The following USH2A variants were observed in gnomAD, a reference collection of about 807,000 sequenced individuals.
The protein encoded by USH2A is usherin.
In USH2A, 443 loss-of-function variants were observed where a neutral mutation model predicts 538.9. The ratio of observed to expected loss-of-function variants is 0.82; its 90% CI spans 0.76 to 0.89. The LOEUF is 0.89. Ranked by LOEUF, USH2A falls within the 40% of genes least tolerant of loss-of-function variation. The pLI is 0.00. For synonymous variants in USH2A, 2,413 were observed against 2,273.5 expected, an observed-to-expected ratio of 1.06 and a Z score of -1.75; for missense variants, 6,633 against 6,324.8, an observed-to-expected ratio of 1.05 and a Z score of -1.65.
intron 21 of USH2A, among the ~76,000 whole-genome samples, chr1:216,108,978 G>A (rs1258356667): frequency 6.6e-6 from 1 of 151,962 alleles, no homozygotes; most frequent in Non-Finnish European, 1.5e-5. Flanking sequence ...AACTGAAGTT[G>A]GGCTTTAATT....
intron 32 of USH2A, among the ~76,000 whole-genome samples, chr1:216,004,680 A>G (rs1413073952): frequency 6.6e-6 from 1 of 152,236 alleles, no homozygotes; most frequent in Non-Finnish European, 1.5e-5. Context: ...AGTAGAATCA[A>G]GAGAAGATTT....
At chr1:215,755,780 CT>C (rs2102738506) in intron 58 of USH2A, among the ~76,000 whole-genome samples, 1 of 152,156 alleles carries the variant, frequency 6.6e-6, no homozygotes, top group Admixed American at 6.5e-5. Context: ...TATACAAAGC[CT>C]GAGGTATGTG....
At chr1:216,348,710 TGA>T (rs2038223630) in intron 4 of USH2A, among the ~76,000 whole-genome samples, 1 of 152,170 alleles carries the variant, frequency 6.6e-6, no homozygotes, top group Admixed American at 6.6e-5. Flanking sequence ...TTAGTAAAAA[TGA>T]GAGACTGAAA....
At chr1:216,319,142 A>AT (rs1357569890) in intron 9 of USH2A, among the ~76,000 whole-genome samples, 11 of 152,116 alleles carry the variant, frequency 7.2e-5, no homozygotes, top group Non-Finnish European at 1.2e-4. Flanking sequence ...ATCCCAAAGC[A>AT]TTTTTTAATT....
intron 32 of USH2A, among the ~76,000 whole-genome samples, chr1:216,033,927 A>T (rs1669184943): frequency 6.6e-6 from 1 of 152,204 alleles, no homozygotes; most frequent in Non-Finnish European, 1.5e-5. Flanking sequence ...GGGAAAAAGA[A>T]TGAATAGTGT....
At chr1:216,064,455 G>A (rs948835739) in intron 30 of USH2A, among the ~76,000 whole-genome samples, 1 of 151,726 alleles carries the variant, frequency 6.6e-6, no homozygotes, top group Non-Finnish European at 1.5e-5. Context: ...AAAACATGGG[G>A]AAAATGTGAA....
At chr1:215,746,978 A>G (rs1275579592) in intron 58 of USH2A, among the ~76,000 whole-genome samples, 1 of 152,188 alleles carries the variant, frequency 6.6e-6, no homozygotes, top group African/African-American at 2.4e-5. Context: ...TAAAAGTTCA[A>G]GATTAGAGAA....
chr1:216,213,326 C>T (rs1390167408), intron 15 of USH2A, among the ~76,000 whole-genome samples: 6 of 152,006 alleles, frequency 3.9e-5, no homozygotes, highest in Non-Finnish European at 7.4e-5. Flanking sequence ...GAGACTTTTA[C>T]TTACTTTTTC....
chr1:216,139,415 GAAAAAAAAAGAAA>G (rs1477186203), intron 21 of USH2A, among the ~76,000 whole-genome samples: 6 of 117,308 alleles, frequency 5.1e-5, no homozygotes, highest in Admixed American at 1.8e-4. Context: ...CCCCTCTACA[GAAAAAAAAAGAAA>G]AAAAAAAAAG....
chr1:215,799,596 A>G (rs910979055), intron 49 of USH2A, among the ~76,000 whole-genome samples: 6 of 152,188 alleles, frequency 3.9e-5, no homozygotes, highest in African/African-American at 1.2e-4. Context: ...AAAATACTGT[A>G]TTTAAGTCAG....
chr1:215,983,061 C>T (rs916406094), intron 35 of USH2A, among the ~76,000 whole-genome samples: 1 of 152,200 alleles, frequency 6.6e-6, no homozygotes, highest in Non-Finnish European at 1.5e-5. Context: ...AGTGATTCTC[C>T]TGCCTTAGCC....
At chr1:216,400,323 G>A (rs1243866024) in intron 3 of USH2A, among the ~76,000 whole-genome samples, 1 of 151,054 alleles carries the variant, frequency 6.6e-6, no homozygotes, top group Middle Eastern at 3.2e-3. Flanking sequence ...AGGGTAACAG[G>A]AAGATGACAG....
chr1:215,895,546 C>T (rs940549718), intron 40 of USH2A, among the ~76,000 whole-genome samples: 1 of 152,068 alleles, frequency 6.6e-6, no homozygotes, highest in Non-Finnish European at 1.5e-5. Flanking sequence ...CTGTCTTACT[C>T]CAGAAGAACC....
At chr1:215,892,646 CAATAA>C (rs1270478564) in intron 40 of USH2A, among the ~76,000 whole-genome samples, 1 of 151,704 alleles carries the variant, frequency 6.6e-6, no homozygotes, top group Non-Finnish European at 1.5e-5. Context: ...GTAAGAGGAG[CAATAA>C]AATAAAGAAA....
chr1:216,341,436 A>T (rs1186812176), intron 4 of USH2A, among the ~76,000 whole-genome samples: 1 of 152,162 alleles, frequency 6.6e-6, no homozygotes, highest in Non-Finnish European at 1.5e-5. Context: ...TAATTTATAG[A>T]TTCAGTCCTA....
intron 29 of USH2A, among the ~76,000 whole-genome samples, chr1:216,072,117 C>A (rs1333883231): frequency 1.3e-5 from 2 of 152,148 alleles, no homozygotes; most frequent in Non-Finnish European, 2.9e-5. Flanking sequence ...GCTGAATAAA[C>A]TTCCTTGCTG....
intron 32 of USH2A, among the ~76,000 whole-genome samples, chr1:216,026,985 C>T (rs1668982476): frequency 6.6e-6 from 1 of 152,020 alleles, no homozygotes; most frequent in South Asian, 2.1e-4. Flanking sequence ...AGGCTTTATC[C>T]CCTCAAAAAC....
intron 65 of USH2A, among the ~76,000 whole-genome samples, chr1:215,650,143 A>G (rs1657005252): frequency 6.6e-6 from 1 of 152,206 alleles, no homozygotes; most frequent in African/African-American, 2.4e-5. Flanking sequence ...TCCATGTATT[A>G]TTAGAGATTT....
chr1:216,047,310 A>T (rs2030564286), intron 31 of USH2A, among the ~76,000 whole-genome samples: 1 of 152,202 alleles, frequency 6.6e-6, no homozygotes, highest in Non-Finnish European at 1.5e-5. Context: ...ACCCTGGACA[A>T]AGGATTTAGT....
Sources: allele counts gnomAD v4.1 joint callset (sites outside exome capture counted in the v4.1 genomes callset), GRCh38; gene constraint gnomAD v4.1.1; transcripts MANE v1.5; gene names NCBI Gene and HGNC (gene_info 2026-07-23, HGNC 2026-07-21).